Variants in CAMKMT observed in about 807,000 individuals in gnomAD.
CAMKMT encodes the protein calmodulin-lysine N-methyltransferase.
Under a neutral mutation model 48.0 loss-of-function variants are expected in CAMKMT, and 53 were observed. That is an observed-to-expected ratio of 1.10 (90% CI 0.89 to 1.39). The LOEUF (loss-of-function observed/expected upper bound fraction) is 1.39, where lower values mean the gene tolerates loss of function less well. Among genes scored for constraint, CAMKMT ranks in the 40% most tolerant of loss-of-function variants. The pLI is 0.00. For missense variants in CAMKMT, 428 were observed against 402.7 expected (o/e 1.06, Z -0.54); for synonymous variants, 165 against 152.3 (o/e 1.08, Z -0.61).
chr2:44,588,845 G>A (rs1417941524), intron 3 of CAMKMT, among the ~76,000 whole-genome samples: 3 of 34,008 alleles, frequency 8.8e-5, no homozygotes, highest in African/African-American at 2.6e-4. Flanking sequence ...CCCCCCGCCC[G>A]GCCAGCCGCC....
At position 44,502,201 on chromosome 2, in the gene CAMKMT, A is replaced by G. The variant is rs188050659; in HGVS notation, c.376+111896A>G. ...GCACCACTACACTCCAGCCTGGACAACAGAGTTGAAACTCTGTCTTTAAAA... is the reference window on the plus strand; with the variant it reads ...GCACCACTACACTCCAGCCTGGACAGCAGAGTTGAAACTCTGTCTTTAAAA... On this transcript the variant is annotated intron_variant, in intron 3 of 10. Transcript: ENST00000378494. Among the ~76,000 whole-genome samples, 56 of 152,192 alleles carry G rather than the reference A, an allele frequency of 3.7e-4. 2 individuals are homozygous for G. The highest frequency in any genetic ancestry group is 3.2e-3 in the Admixed American group (49 of 15,278).
chr2:44,555,611 T>C (rs1646993674), intron 3 of CAMKMT, among the ~76,000 whole-genome samples: 2 of 152,088 alleles, frequency 1.3e-5, no homozygotes. Context: ...TTCAAATGAA[T>C]GTGGGTTGAA....
chr2:44,402,341 A>T (rs1351563874), intron 3 of CAMKMT, among the ~76,000 whole-genome samples: 2 of 151,854 alleles, frequency 1.3e-5, no homozygotes, highest in African/African-American at 4.8e-5. Flanking sequence ...AAAAAAAAAA[A>T]AAAAAAAGAT....
chr2:44,458,716 A>G (rs1162063241), intron 3 of CAMKMT, among the ~76,000 whole-genome samples: 1 of 152,198 alleles, frequency 6.6e-6, no homozygotes, highest in African/African-American at 2.4e-5. Flanking sequence ...ACAAATGTTA[A>G]CTTTCCATTC....
At chr2:44,768,223 G>T (rs1680928886) in intron 10 of CAMKMT, among the ~76,000 whole-genome samples, 1 of 151,830 alleles carries the variant, frequency 6.6e-6, no homozygotes. Context: ...TGCTGACATT[G>T]GTACATTGGA....
intron 3 of CAMKMT, among the ~76,000 whole-genome samples, chr2:44,465,367 G>T (rs189616081): frequency 6.6e-6 from 1 of 152,264 alleles, no homozygotes; most frequent in East Asian, 1.9e-4. Context: ...GTAGGCCAAG[G>T]CAGGTAGATC....
intron 3 of CAMKMT, among the ~76,000 whole-genome samples, chr2:44,551,472 A>G (rs1346539482): frequency 6.6e-6 from 1 of 152,200 alleles, no homozygotes; most frequent in African/African-American, 2.4e-5. Context: ...TAAGAAAGAA[A>G]GATGTCAAAT....
At chr2:44,571,673 G>T (rs1668910151) in intron 3 of CAMKMT, among the ~76,000 whole-genome samples, 1 of 151,960 alleles carries the variant, frequency 6.6e-6, no homozygotes, top group Non-Finnish European at 1.5e-5. Context: ...CTGATCTTGG[G>T]TATAAAGAAA....
chr2:44,520,209 ACT>A (rs1671032131), intron 3 of CAMKMT, among the ~76,000 whole-genome samples: 1 of 151,854 alleles, frequency 6.6e-6, no homozygotes, highest in African/African-American at 2.4e-5. Flanking sequence ...ACAGAGCGAG[ACT>A]CTGTCTCAAA....
At chr2:44,509,115 G>A (rs1366119135) in intron 3 of CAMKMT, among the ~76,000 whole-genome samples, 2 of 141,434 alleles carry the variant, frequency 1.4e-5, no homozygotes, top group African/African-American at 5.4e-5. Flanking sequence ...AAAATTATAT[G>A]TCTTAAATTC....
intron 3 of CAMKMT, among the ~76,000 whole-genome samples, chr2:44,666,612 C>CTT (rs1293884982): frequency 7.5e-5 from 10 of 133,972 alleles, no homozygotes; most frequent in Non-Finnish European, 1.1e-4. Flanking sequence ...CTCCTGGAAT[C>CTT]TTTTTTTTTT....
At chr2:44,502,017 G>A (rs1305864265) in intron 3 of CAMKMT, among the ~76,000 whole-genome samples, 1 of 152,084 alleles carries the variant, frequency 6.6e-6, no homozygotes, top group African/African-American at 2.4e-5. Context: ...CCTCACACAT[G>A]TAATGTCAGC....
chr2:44,688,472 A>G (rs566889857), intron 3 of CAMKMT, among the ~76,000 whole-genome samples: 76 of 151,854 alleles, frequency 5.0e-4, no homozygotes, highest in African/African-American at 1.7e-3. Context: ...GCTCTCATAC[A>G]TATATATGTG....
At chr2:44,444,394 A>C (rs1361690321) in intron 3 of CAMKMT, among the ~76,000 whole-genome samples, 1 of 152,212 alleles carries the variant, frequency 6.6e-6, no homozygotes, top group African/African-American at 2.4e-5. Context: ...GATGTGTCAC[A>C]TGAGCTTTTG....
intron 3 of CAMKMT, among the ~76,000 whole-genome samples, chr2:44,530,838 C>T (rs1666446562): frequency 6.6e-6 from 1 of 151,586 alleles, no homozygotes; most frequent in Admixed American, 6.6e-5. Flanking sequence ...TTAAAAATGT[C>T]CACTATTTAT....
At chr2:44,605,096 TTC>T (rs1671210178) in intron 3 of CAMKMT, among the ~76,000 whole-genome samples, 1 of 152,294 alleles carries the variant, frequency 6.6e-6, no homozygotes, top group East Asian at 1.9e-4. Flanking sequence ...AATAATTCTG[TTC>T]TCTTCTCCTT....
At chr2:44,464,335 A>AG (rs1312424059) in intron 3 of CAMKMT, among the ~76,000 whole-genome samples, 6 of 152,340 alleles carry the variant, frequency 3.9e-5, no homozygotes, top group African/African-American at 1.4e-4. Flanking sequence ...GAAAGCCTGA[A>AG]GGACTTATGG....
In CAMKMT at chr2:44,656,365, T is replaced by A. The variant is rs192497937; in HGVS notation, c.377-47918T>A. On this transcript the variant is annotated intron_variant, in intron 3 of 10. Coordinates refer to ENST00000378494, the MANE Select transcript of CAMKMT (RefSeq NM_024766.5). Reference sequence around the variant, plus strand: ...AAAAGGAATTTTTTTCTTTTTTTTTTAAAAAAATGAACAAAAATAATGCTG... The same window carrying A: ...AAAAGGAATTTTTTTCTTTTTTTTTAAAAAAAATGAACAAAAATAATGCTG... Among the ~76,000 whole-genome samples, 1,305 of 151,932 alleles carry A rather than the reference T, an allele frequency of 8.6e-3. 15 individuals are homozygous for A. The highest frequency in any genetic ancestry group is 0.023 in the African/African-American group (933 of 41,420).
intron 3 of CAMKMT, among the ~76,000 whole-genome samples, chr2:44,499,806 T>C (rs184949410): frequency 6.2e-4 from 95 of 152,332 alleles, no homozygotes; most frequent in Admixed American, 2.8e-3. Flanking sequence ...TTTGGCACAA[T>C]AGCACTGAGT....
Sources: allele counts gnomAD v4.1 joint callset (sites outside exome capture counted in the v4.1 genomes callset), GRCh38; gene constraint gnomAD v4.1.1; transcripts MANE v1.5; gene names NCBI Gene and HGNC (gene_info 2026-07-23, HGNC 2026-07-21).